DOCK10: variants seen among roughly 807,000 people sequenced by gnomAD.
DOCK10 encodes dedicator of cytokinesis 10, also known as dedicator of cytokinesis protein 10.
In DOCK10, 145 loss-of-function variants were observed where a neutral mutation model predicts 280.1. That is an observed-to-expected ratio of 0.52 (90% CI 0.45 to 0.59). The LOEUF (loss-of-function observed/expected upper bound fraction) is 0.59. DOCK10 is among the 20% of genes least tolerant of loss of function. The pLI is 0.00. For missense variants in DOCK10, 2,368 were observed against 2,651.7 expected (o/e 0.89, Z 2.35); for synonymous variants, 915 against 942.2 (o/e 0.97, Z 0.53).
At chr2:224,976,005 G>C (rs1274188092) in intron 1 of DOCK10, among the ~76,000 whole-genome samples, 2 of 152,138 alleles carry the variant, frequency 1.3e-5, no homozygotes, top group African/African-American at 2.4e-5. Context: ...GAGTTACCCA[G>C]GGGATACAAT....
chr2:224,790,674 A>G (rs1048132965), intron 47 of DOCK10, among the ~76,000 whole-genome samples: 2 of 152,074 alleles, frequency 1.3e-5, no homozygotes, highest in Admixed American at 6.6e-5. Flanking sequence ...TATGATAGTT[A>G]ATTGTAGGAG....
chr2:224,918,025 T>C (rs1701433420), intron 2 of DOCK10, among the ~76,000 whole-genome samples: 1 of 152,168 alleles, frequency 6.6e-6, no homozygotes, highest in African/African-American at 2.4e-5. Context: ...ATCCTCAGTA[T>C]TGGAGAAGAT....
intron 24 of DOCK10, among the ~76,000 whole-genome samples, chr2:224,838,715 A>G (rs1329087133): frequency 6.6e-6 from 1 of 152,170 alleles, no homozygotes; most frequent in Non-Finnish European, 1.5e-5. Flanking sequence ...CAAAAGTAAC[A>G]TTTTTTTCCA....
intron 14 of DOCK10, 144 bp from the exon 15 acceptor site, chr2:224,857,126 A>T: frequency 1.7e-6 from 1 of 595,306 alleles, no homozygotes; most frequent in Non-Finnish European, 2.6e-6. Context: ...AAACTTTTAC[A>T]AATGCTTCAT....
intron 4 of DOCK10, 61 bp downstream of exon 4, chr2:224,896,234 A>G: frequency 3.0e-6 from 3 of 1,007,710 alleles, no homozygotes; most frequent in Non-Finnish European, 4.5e-6. Flanking sequence ...TGGCAGGACT[A>G]GAACAGAGGA....
Position 224,804,072 on chromosome 2 carries a change from G to A in DOCK10, c.4268+40C>T, listed in dbSNP as rs763828231. 2.4e-5 allele frequency: 30 copies of A among 1,225,698 alleles called. No individual in the cohort carries two copies. In the Middle Eastern group the frequency reaches 1.1e-3, roughly 46 times the overall value. The allele number at this position is 1,225,698 out of a possible 1,614,324, so 75.9% of individuals were successfully genotyped here. ...GTGCATATACAGACACACACACACA[G>A]CTATATATAATTTTAAATACCAAGC... On this transcript the variant is annotated intron_variant, in intron 39 of 55. Coordinates refer to ENST00000258390, the MANE Select transcript of DOCK10 (RefSeq NM_014689.3).
intron 27 of DOCK10, among the ~76,000 whole-genome samples, chr2:224,826,505 G>T (rs1471549178): frequency 1.3e-5 from 2 of 151,424 alleles, no homozygotes; most frequent in Non-Finnish European, 2.9e-5. Context: ...TAATAGTGGA[G>T]AAAACCATTC....
At chr2:224,949,853 C>T (rs1703630639) in intron 1 of DOCK10, among the ~76,000 whole-genome samples, 1 of 152,158 alleles carries the variant, frequency 6.6e-6, no homozygotes, top group South Asian at 2.1e-4. Flanking sequence ...CATTGCCTTG[C>T]CTGGTACATA....
At chr2:224,938,506 T>C (rs995199851) in intron 1 of DOCK10, among the ~76,000 whole-genome samples, 5 of 152,190 alleles carry the variant, frequency 3.3e-5, no homozygotes, top group African/African-American at 1.2e-4. Context: ...TGACGATTCA[T>C]GGGGTCTTTT....
chr2:224,946,212 TGTAA>T (rs1340681580), intron 1 of DOCK10, among the ~76,000 whole-genome samples: 1 of 152,266 alleles, frequency 6.6e-6, no homozygotes. Flanking sequence ...TGTAAAGTTC[TGTAA>T]TAAGTACAGG....
At chr2:225,006,014 A>G (rs1371113630) in intron 1 of DOCK10, among the ~76,000 whole-genome samples, 2 of 152,240 alleles carry the variant, frequency 1.3e-5, no homozygotes, top group Admixed American at 6.5e-5. Context: ...GTGCCTCATG[A>G]AATAGAGTGG....
At chr2:224,967,846 T>G (rs1704866994) in intron 1 of DOCK10, among the ~76,000 whole-genome samples, 1 of 152,170 alleles carries the variant, frequency 6.6e-6, no homozygotes, top group African/African-American at 2.4e-5. Flanking sequence ...ATGTTTTCAA[T>G]TTTTATTTTA....
intron 1 of DOCK10, among the ~76,000 whole-genome samples, chr2:224,941,324 C>G (rs1444934152): frequency 6.6e-6 from 1 of 152,014 alleles, no homozygotes; most frequent in Non-Finnish European, 1.5e-5. Flanking sequence ...CCACTCCACT[C>G]TACCAGCAAA....
At chr2:224,829,729 G>T (rs1217666758) in intron 27 of DOCK10, among the ~76,000 whole-genome samples, 2 of 152,198 alleles carry the variant, frequency 1.3e-5, no homozygotes, top group East Asian at 3.9e-4. Context: ...ATATCACCAG[G>T]TGAGTCACCA....
intron 1 of DOCK10, among the ~76,000 whole-genome samples, chr2:224,975,703 CAAAT>C (rs1705395625): frequency 6.6e-6 from 1 of 152,130 alleles, no homozygotes. Context: ...ACAAATTAAA[CAAAT>C]GTATGTTCCA....
chr2:224,938,575 G>A (rs1575086598), intron 1 of DOCK10, among the ~76,000 whole-genome samples: 1 of 152,080 alleles, frequency 6.6e-6, no homozygotes, highest in East Asian at 1.9e-4. Context: ...AAGCAACACA[G>A]CTGTTAACCA....
At chr2:224,906,560 G>A (rs1053085771) in intron 3 of DOCK10, among the ~76,000 whole-genome samples, 7 of 152,078 alleles carry the variant, frequency 4.6e-5, no homozygotes, top group Non-Finnish European at 1.0e-4. Context: ...CTCACTGCAA[G>A]CTCCACCTCC....
At chr2:224,907,889 C>T (rs1700754573) in intron 3 of DOCK10, among the ~76,000 whole-genome samples, 1 of 152,160 alleles carries the variant, frequency 6.6e-6, no homozygotes, top group African/African-American at 2.4e-5. Context: ...CCTTGGATCA[C>T]ATTTACATTA....
At chr2:224,903,686 T>C (rs761889932) in intron 3 of DOCK10, among the ~76,000 whole-genome samples, 4 of 152,290 alleles carry the variant, frequency 2.6e-5, no homozygotes, top group Non-Finnish European at 5.9e-5. Context: ...TTCAGTGCAA[T>C]TGAAATTTTA....
Sources: allele counts gnomAD v4.1 joint callset (sites outside exome capture counted in the v4.1 genomes callset), GRCh38; gene constraint gnomAD v4.1.1; transcripts MANE v1.5; gene names NCBI Gene and HGNC (gene_info 2026-07-23, HGNC 2026-07-21).